Variants in DOCK8 observed in about 807,000 individuals in gnomAD.
DOCK8 encodes the protein dedicator of cytokinesis 8, also known as dedicator of cytokinesis protein 8.
Under a neutral mutation model 245.6 loss-of-function variants are expected in DOCK8, and 141 were observed. The observed-to-expected ratio is 0.57, with a 90% confidence interval of 0.50 to 0.66. The LOEUF (loss-of-function observed/expected upper bound fraction) is 0.66, where lower values mean the gene tolerates loss of function less well. DOCK8 is among the 30% of genes least tolerant of loss of function. The probability of loss-of-function intolerance (pLI) is 0.00; values close to 1 mark genes in which losing one functional copy is unlikely to be tolerated. For missense variants in DOCK8, 2,965 were observed against 2,603.4 expected (o/e 1.14, Z -3.02); for synonymous variants, 1,168 against 970.2 (o/e 1.20, Z -3.79).
intron 22 of DOCK8, among the ~76,000 whole-genome samples, chr9:383,007 T>C (rs1232346530): frequency 1.3e-5 from 2 of 152,184 alleles, no homozygotes. Context: ...TAGCTTTAAC[T>C]TTTGATACCT....
At chr9:297,739 G>C (rs1358126864) in intron 4 of DOCK8, among the ~76,000 whole-genome samples, 2 of 152,134 alleles carry the variant, frequency 1.3e-5, no homozygotes, top group Non-Finnish European at 2.9e-5. Flanking sequence ...CCCCAGCCAG[G>C]TTCACCCTTG....
intron 1 of DOCK8, among the ~76,000 whole-genome samples, chr9:232,907 T>C (rs1017334205): frequency 6.6e-6 from 1 of 152,214 alleles, no homozygotes; most frequent in African/African-American, 2.4e-5. Context: ...TCAGTTCTGC[T>C]CTGATCTTAG....
At chr9:349,126 G>A (rs746520912) in intron 14 of DOCK8, among the ~76,000 whole-genome samples, 2 of 152,186 alleles carry the variant, frequency 1.3e-5, no homozygotes, top group Non-Finnish European at 2.9e-5. Context: ...AGTGGGAGGT[G>A]CAGGTAAACC....
At chr9:446,779 C>T (rs1252078945) in intron 44 of DOCK8, among the ~76,000 whole-genome samples, 173 bp downstream of exon 44, 1 of 152,088 alleles carries the variant, frequency 6.6e-6, no homozygotes, top group Non-Finnish European at 1.5e-5. Flanking sequence ...CCCATTTAGG[C>T]AGCTACATAT....
intron 14 of DOCK8, among the ~76,000 whole-genome samples, chr9:361,616 T>A (rs1364594784): frequency 6.6e-6 from 1 of 152,078 alleles, no homozygotes; most frequent in Non-Finnish European, 1.5e-5. Context: ...ATAAATCCCA[T>A]CTCCCCTGGT....
At chr9:292,989 C>A (rs1263498092) in intron 4 of DOCK8, among the ~76,000 whole-genome samples, 1 of 152,126 alleles carries the variant, frequency 6.6e-6, no homozygotes, top group Non-Finnish European at 1.5e-5. Flanking sequence ...CAAGTTTTTG[C>A]ATCTTGTTCC....
At chr9:223,987 A>G (rs961430718) in intron 1 of DOCK8, among the ~76,000 whole-genome samples, 3 of 152,170 alleles carry the variant, frequency 2.0e-5, no homozygotes, top group Non-Finnish European at 2.9e-5. Context: ...AAATAAAATA[A>G]TATCAGCTTG....
At chr9:357,657 TACA>T (rs2052509866) in intron 14 of DOCK8, among the ~76,000 whole-genome samples, 1 of 152,090 alleles carries the variant, frequency 6.6e-6, no homozygotes, top group Non-Finnish European at 1.5e-5. Context: ...ATGTTCAGAG[TACA>T]GTACCAGCGT....
At chr9:440,065 C>T (rs1282872231) in intron 40 of DOCK8, among the ~76,000 whole-genome samples, 1 of 152,162 alleles carries the variant, frequency 6.6e-6, no homozygotes, top group Non-Finnish European at 1.5e-5. Context: ...GTCGCCCAGG[C>T]TGGAATGCAG....
At chr9:358,501 G>T (rs755757440) in intron 14 of DOCK8, among the ~76,000 whole-genome samples, 2 of 152,228 alleles carry the variant, frequency 1.3e-5, no homozygotes, top group African/African-American at 2.4e-5. Context: ...CTAAGTGTGT[G>T]TAAGGTTAAT....
At chr9:396,157 G>A (rs2054445034) in intron 24 of DOCK8, among the ~76,000 whole-genome samples, 1 of 152,008 alleles carries the variant, frequency 6.6e-6, no homozygotes, top group Non-Finnish European at 1.5e-5. Flanking sequence ...TTCCCTGGAG[G>A]CAATGTTCTA....
chr9:376,402 G>A (rs963871507), intron 19 of DOCK8, 97 bp downstream of exon 19: 1 of 918,228 alleles, frequency 1.1e-6, no homozygotes. Context: ...CTTGTCTACA[G>A]ATAAATAAAA....
In DOCK8 at chr9:349,725, A is replaced by G. The variant is rs962811936; in HGVS notation, c.1679+9404A>G. On this transcript the variant is annotated intron_variant, in intron 14 of 47. Transcript: ENST00000432829. ...CACAGACCAGTTTCGTTATCCCATT[A>G]ACAGATTTACATTTCTGTTCTCTGG... 2.0e-5 allele frequency among the ~76,000 whole-genome samples: 3 copies of G among 152,320 alleles called. No homozygotes were observed. The East Asian group carries it at 5.8e-4, about 29-fold the overall frequency.
rs143471376 is a variant in DOCK8, at chr9:336,306, C to T, written c.1286-276C>T. Among the ~76,000 whole-genome samples, 10 of 152,344 alleles carry T rather than the reference C, an allele frequency of 6.6e-5. No individual in the cohort carries two copies. The East Asian group carries it at 1.3e-3, about 21-fold the overall frequency. On this transcript the variant is annotated intron_variant, in intron 11 of 47. Transcript: ENST00000432829. ...ACCCTGTTCTGGCTATAGCTCTGGA[C>T]TCTTGCCGGGTGGCATTTGGGCTAC...
At chr9:216,898 A>G (rs890553817) in intron 1 of DOCK8, among the ~76,000 whole-genome samples, 2 of 152,148 alleles carry the variant, frequency 1.3e-5, no homozygotes, top group African/African-American at 4.8e-5. Flanking sequence ...GGCCCTGGTT[A>G]GTGTCTGATC....
At chr9:212,713 G>A (rs2046639379), upstream of DOCK8, 1 of 152,180 alleles carries the variant, frequency 6.6e-6, no homozygotes, top group South Asian at 2.1e-4. Context: ...TCATGGTTAG[G>A]TACCAAATAC....
intron 23 of DOCK8, among the ~76,000 whole-genome samples, chr9:387,196 C>T (rs2053989888): frequency 6.6e-6 from 1 of 152,148 alleles, no homozygotes; most frequent in Non-Finnish European, 1.5e-5. Context: ...GTATTCCCAG[C>T]ACTTTCGGAG....
chr9:309,175 G>A (rs1303071125), intron 5 of DOCK8, among the ~76,000 whole-genome samples: 1 of 152,128 alleles, frequency 6.6e-6, no homozygotes, highest in African/African-American at 2.4e-5. Context: ...GATGAGTAAT[G>A]TTAGATTTTT....
intron 40 of DOCK8, among the ~76,000 whole-genome samples, chr9:440,918 A>G (rs933731896): frequency 6.6e-6 from 1 of 152,010 alleles, no homozygotes; most frequent in Non-Finnish European, 1.5e-5. Flanking sequence ...ATTTTTTTGC[A>G]GAGATGGGGT....
Sources: gnomAD v4.1 joint callset for allele counts (sites outside exome capture counted in the v4.1 genomes callset) on GRCh38, gnomAD v4.1.1 for gene constraint, MANE v1.5 for transcripts, NCBI Gene and HGNC (gene_info 2026-07-23, HGNC 2026-07-21) for gene names.